Variants in CALML4 observed in about 807,000 individuals in gnomAD.
CALML4 encodes calmodulin-like protein 4.
A neutral mutation model predicts 17.9 loss-of-function variants in CALML4; 16 were observed. The ratio of observed to expected loss-of-function variants is 0.89; its 90% CI spans 0.61 to 1.36. The LOEUF is 1.36. CALML4 is among the 40% of genes most tolerant of loss of function. The probability of loss-of-function intolerance (pLI) is 0.00; values close to 1 mark genes in which losing one functional copy is unlikely to be tolerated. For synonymous variants in CALML4, 86 were observed against 71.5 expected, an observed-to-expected ratio of 1.20 and a Z score of -1.02; for missense variants, 203 against 194.8, an observed-to-expected ratio of 1.04 and a Z score of -0.25.
At chr15:68,194,754 G>A (rs1290925360) in intron 4 of CALML4, among the ~76,000 whole-genome samples, 1 of 151,722 alleles carries the variant, frequency 6.6e-6, no homozygotes, top group East Asian at 1.9e-4. Context: ...GAATCCTTTG[G>A]CCTGGAGTTT....
At chr15:68,203,068 G>T (rs2093170639) in intron 2 of CALML4, among the ~76,000 whole-genome samples, 1 of 150,888 alleles carries the variant, frequency 6.6e-6, no homozygotes, top group African/African-American at 2.5e-5. Context: ...GCCTCCCTCG[G>T]TCTCTCAAAG....
intron 2 of CALML4, chr15:68,199,924 A>G (rs11635988): frequency 0.51 from 180,189 of 353,590 alleles, 47,687 homozygotes; most frequent in Non-Finnish European, 0.57. Context: ...TAGGACATAT[A>G]CTTCTATTGG....
intron 4 of CALML4, among the ~76,000 whole-genome samples, chr15:68,196,309 A>G (rs1228754296): frequency 2.0e-5 from 3 of 152,202 alleles, no homozygotes; most frequent in African/African-American, 7.2e-5. Flanking sequence ...GAGCAGAGTG[A>G]TTTGTAGAGT....
intron 2 of CALML4, among the ~76,000 whole-genome samples, chr15:68,203,067 G>T (rs138357810): frequency 5.3e-5 from 8 of 151,070 alleles, no homozygotes; most frequent in African/African-American, 2.0e-4. Flanking sequence ...TGCCTCCCTC[G>T]GTCTCTCAAA....
intron 2 of CALML4, among the ~76,000 whole-genome samples, chr15:68,203,729 T>C (rs1567092164): frequency 6.6e-6 from 1 of 152,114 alleles, no homozygotes; most frequent in Non-Finnish European, 1.5e-5. Flanking sequence ...ATATCCTACT[T>C]CATAGGTGAG....
rs1435757192 is a variant in CALML4, at chr15:68,193,741, C to G, written c.*274G>C. The G allele has an allele frequency of 1.1e-5, 4 of 357,914 alleles. No homozygotes were observed. The highest frequency in any genetic ancestry group is 2.1e-5 in the Non-Finnish European group (4 of 194,220). 22.2% of individuals were successfully genotyped at this position (357,914 alleles called of 1,614,324 possible). A position where few individuals can be genotyped will look rare whatever the true frequency, so the allele number is the denominator to read the frequency against. ...GGAAGCAGCAGAGCCAGGACTGGAACCCAGGCCAGACTCCAAACCGCAGGC... is the reference window on the plus strand; with the variant it reads ...GGAAGCAGCAGAGCCAGGACTGGAAGCCAGGCCAGACTCCAAACCGCAGGC... On this transcript the variant is annotated 3_prime_UTR_variant, in exon 5 of 5. Coordinates refer to ENST00000467889, the MANE Select transcript of CALML4 (RefSeq NM_033429.3).
upstream of CALML4, chr15:68,205,580 T>C (rs572005917): frequency 5.7e-5 from 35 of 614,178 alleles, no homozygotes; most frequent in Middle Eastern, 4.5e-4. The surrounding 1 kb of genome is among the most constrained non-coding windows in gnomAD (Gnocchi z 4.8). Flanking sequence ...GGAAGGGGTC[T>C]TCTCTCTCTC....
At chr15:68,195,689 C>T (rs983655348) in intron 4 of CALML4, among the ~76,000 whole-genome samples, 3 of 152,180 alleles carry the variant, frequency 2.0e-5, no homozygotes, top group Non-Finnish European at 4.4e-5. Flanking sequence ...AATTGTCTTT[C>T]GATCACCCAG....
intron 4 of CALML4, among the ~76,000 whole-genome samples, chr15:68,196,684 G>A (rs1481631832): frequency 6.6e-6 from 1 of 152,176 alleles, no homozygotes; most frequent in East Asian, 1.9e-4. Flanking sequence ...AACAAAGGCT[G>A]TAAATGGCCT....
upstream of CALML4, chr15:68,205,351 C>G: frequency 6.2e-7 from 1 of 1,614,022 alleles, no homozygotes; most frequent in Non-Finnish European, 8.5e-7. The surrounding 1 kb of genome is among the most constrained non-coding windows in gnomAD (Gnocchi z 4.8). Context: ...GGGTGGAGGC[C>G]CGGGTAATAA....
In CALML4 at chr15:68,197,790, G is replaced by A. The variant is rs2093151147; in HGVS notation, c.176-162C>T. On this transcript the variant is annotated intron_variant, in intron 3 of 4. Transcript: ENST00000467889. The surrounding 1 kb of genome is among the most constrained non-coding windows in gnomAD (Gnocchi z 4.1). ...TGAAGAGGATGCATCCCCTCCCACC[G>A]AGTTCCCACGACAGGCCCCTCACTG... is the stretch of plus-strand genomic sequence containing the variant. 1.3e-5 allele frequency: 8 copies of A among 611,482 alleles called. No individual in the cohort carries two copies. The highest frequency in any genetic ancestry group is 5.6e-5 in the East Asian group (2 of 35,832). 37.9% of individuals were successfully genotyped at this position (611,482 alleles called of 1,614,324 possible). A position where few individuals can be genotyped will look rare whatever the true frequency, so the allele number is the denominator to read the frequency against.
chr15:68,201,002 G>A (rs905064433), intron 2 of CALML4, among the ~76,000 whole-genome samples: 2 of 152,104 alleles, frequency 1.3e-5, no homozygotes, highest in East Asian at 3.9e-4. Flanking sequence ...TAGGGTGAGG[G>A]AGAGGATGCA....
At chr15:68,199,772 CCCTT>C in intron 2 of CALML4, 91 bp from the exon 3 acceptor site, 1 of 1,436,868 alleles carries the variant, frequency 7.0e-7, no homozygotes, top group Non-Finnish European at 9.4e-7. Flanking sequence ...CCCTCTTTTC[CCCTT>C]CCTTTTGCCT....
At position 68,205,162 on chromosome 15, in the gene CALML4, G is replaced by C. The variant is rs2093178337; in HGVS notation, c.4-11C>G. 1.2e-6 allele frequency: 2 copies of C among 1,614,074 alleles called. No homozygotes were observed. Among genetic ancestry groups the C allele is most frequent in the Non-Finnish European group, 8.5e-7 (1 of 1,180,038 alleles). ...GGAAAGAAACTTGGCCTGCAGCAGA[G>C]AAAGGAAAACAGTCAGGGGAGGGCT... On this transcript the variant is annotated splice_polypyrimidine_tract_variant and intron_variant, in intron 1 of 4. Coordinates refer to ENST00000467889, the MANE Select transcript of CALML4 (RefSeq NM_033429.3). The surrounding 1 kb of genome is among the most constrained non-coding windows in gnomAD (Gnocchi z 4.8).
chr15:68,201,396 G>A (rs2093165132), intron 2 of CALML4, among the ~76,000 whole-genome samples: 1 of 152,216 alleles, frequency 6.6e-6, no homozygotes, highest in African/African-American at 2.4e-5. Flanking sequence ...TCACGTCAGG[G>A]GGACAGAGAG....
intron 2 of CALML4, among the ~76,000 whole-genome samples, chr15:68,203,651 CCAGCG>C (rs2093172665): frequency 6.6e-6 from 1 of 152,192 alleles, no homozygotes; most frequent in Admixed American, 6.5e-5. Flanking sequence ...TATGCCTGGC[CCAGCG>C]TCCAGCATGT....
rs770429645 is a variant in CALML4 at position 68,197,547 on chromosome 15, ATTTC to A, written c.253_256del (p.Glu85PhefsTer3). The A allele has an allele frequency of 1.4e-5, 23 of 1,614,026 alleles. No homozygotes were observed. Among genetic ancestry groups the A allele is most frequent in the Non-Finnish European group, 1.8e-5 (21 of 1,180,024 alleles). ...GTCCACCATCAACATGGCTAGAAGAATTTCTTTCTTTGGGTCTTCTTGTTTTATT... is the reference window on the plus strand; with the variant it reads ...GTCCACCATCAACATGGCTAGAAGAATTTCTTTGGGTCTTCTTGTTTTATT... On this transcript the variant is annotated frameshift_variant, in exon 4 of 5. Transcript: ENST00000467889. LOFTEE classifies it high-confidence loss of function. This position sits in a 1 kb window ranked among gnomAD's most constrained non-coding sequence, Gnocchi z 4.1.
chr15:68,195,479 C>T (rs2093140337), intron 4 of CALML4, among the ~76,000 whole-genome samples: 1 of 152,154 alleles, frequency 6.6e-6, no homozygotes, highest in African/African-American at 2.4e-5. Flanking sequence ...GCTCCAGGGC[C>T]AGTCACTGCA....
chr15:68,196,638 T>C (rs1595809575), intron 4 of CALML4, among the ~76,000 whole-genome samples: 1 of 152,264 alleles, frequency 6.6e-6, no homozygotes, highest in East Asian at 1.9e-4. Context: ...GCTGCGAACA[T>C]GGCAGGGCTA....
Sources: gnomAD v4.1 joint callset for allele counts (sites outside exome capture counted in the v4.1 genomes callset) on GRCh38, gnomAD v4.1.1 for gene constraint, Gnocchi (gnomAD v3.1) non-coding constraint, MANE v1.5 for transcripts, NCBI Gene and HGNC (gene_info 2026-07-23, HGNC 2026-07-21) for gene names.